GRB10: variants seen among roughly 807,000 people sequenced by gnomAD.
GRB10 encodes the protein growth factor receptor bound protein 10.
In GRB10, 20 loss-of-function variants were observed where a neutral mutation model predicts 80.9. The observed-to-expected ratio is 0.25, with a 90% confidence interval of 0.17 to 0.36. The LOEUF (loss-of-function observed/expected upper bound fraction) is 0.36. GRB10 is among the 10% of genes least tolerant of loss of function. GRB10 has a pLI of 1.00. For missense variants in GRB10, 548 were observed against 747.7 expected, an observed-to-expected ratio of 0.73 and a Z score of 3.12; for synonymous variants, 291 against 291.5, an observed-to-expected ratio of 1.00 and a Z score of 0.02.
intron 3 of GRB10, among the ~76,000 whole-genome samples, 183 bp downstream of exon 3, chr7:50,755,704 A>G (rs899859593): frequency 2.0e-5 from 3 of 152,304 alleles, no homozygotes; most frequent in Non-Finnish European, 2.9e-5. Flanking sequence ...GAGCCGAGCC[A>G]AGGAGGAGAG....
chr7:50,768,089 C>A (rs2076549926), intron 2 of GRB10, among the ~76,000 whole-genome samples: 1 of 152,164 alleles, frequency 6.6e-6, no homozygotes. Context: ...TGGGTCCGCT[C>A]AAACCTCTCC....
intron 2 of GRB10, among the ~76,000 whole-genome samples, chr7:50,763,912 C>T (rs2076052141): frequency 6.6e-6 from 1 of 152,182 alleles, no homozygotes; most frequent in African/African-American, 2.4e-5. Flanking sequence ...GACACCATTG[C>T]CCTCTGTACT....
intron 5 of GRB10, among the ~76,000 whole-genome samples, chr7:50,703,519 C>T (rs924601706): frequency 2.0e-5 from 3 of 152,174 alleles, no homozygotes; most frequent in African/African-American, 4.8e-5. Flanking sequence ...CAAGAGGATT[C>T]ACCTTGGAGT....
At chr7:50,740,957 T>A (rs751775148) in intron 3 of GRB10, among the ~76,000 whole-genome samples, 7 of 152,102 alleles carry the variant, frequency 4.6e-5, no homozygotes, top group Non-Finnish European at 1.0e-4. Flanking sequence ...GCAATGATAG[T>A]CAAGTGTCAC....
At chr7:50,593,452 A>C (rs2046077093) in intron 18 of GRB10, among the ~76,000 whole-genome samples, 1 of 152,146 alleles carries the variant, frequency 6.6e-6, no homozygotes, top group African/African-American at 2.4e-5. Flanking sequence ...CACTGCACAC[A>C]GCATGCCCCG....
chr7:50,677,450 G>A (rs1280114744), intron 5 of GRB10, among the ~76,000 whole-genome samples: 3 of 152,166 alleles, frequency 2.0e-5, no homozygotes, highest in Admixed American at 6.5e-5. Context: ...GAGCCTCACT[G>A]CCAACTGCTG....
chr7:50,781,718 C>T (rs1277283641), intron 1 of GRB10, among the ~76,000 whole-genome samples: 1 of 152,204 alleles, frequency 6.6e-6, no homozygotes, highest in Non-Finnish European at 1.5e-5. Context: ...AGGCGACTGG[C>T]GTGTGGAACA....
At chr7:50,768,839 T>A (rs998559943) in intron 2 of GRB10, among the ~76,000 whole-genome samples, 7 of 152,208 alleles carry the variant, frequency 4.6e-5, no homozygotes, top group African/African-American at 1.7e-4. Context: ...GGAACCGCCC[T>A]CCACAGTTGG....
At chr7:50,612,671 A>G in intron 13 of GRB10, 70 bp downstream of exon 13, 1 of 947,460 alleles carries the variant, frequency 1.1e-6, no homozygotes, top group East Asian at 2.4e-5. Flanking sequence ...GCCAGAATAG[A>G]CATCAAGTCC....
intron 7 of GRB10, among the ~76,000 whole-genome samples, chr7:50,644,235 G>A (rs2056787084): frequency 6.6e-6 from 1 of 152,288 alleles, no homozygotes; most frequent in East Asian, 1.9e-4. Flanking sequence ...TCCAGGTGGG[G>A]TTCCTTGAGT....
At chr7:50,595,601 T>TGACACACACACACACA in intron 17 of GRB10, 71 bp from the exon 18 acceptor site, 6 of 556,344 alleles carry the variant, frequency 1.1e-5, no homozygotes, top group Admixed American at 2.5e-5. Flanking sequence ...ACACACTCTC[T>TGACACACACACACACA]TACACACACA....
intron 5 of GRB10, among the ~76,000 whole-genome samples, chr7:50,697,370 C>T (rs1033528725): frequency 2.0e-5 from 3 of 152,118 alleles, no homozygotes; most frequent in African/African-American, 7.2e-5. Context: ...CAAAACCACC[C>T]CCTTTCAAAG....
At chr7:50,687,882 C>G (rs1167431659) in intron 5 of GRB10, among the ~76,000 whole-genome samples, 3 of 152,230 alleles carry the variant, frequency 2.0e-5, no homozygotes, top group Non-Finnish European at 2.9e-5. Flanking sequence ...CTGCTCACAT[C>G]TCCAAGAAGC....
intron 6 of GRB10, among the ~76,000 whole-genome samples, chr7:50,671,716 T>C (rs2060371073): frequency 1.3e-5 from 2 of 152,394 alleles, no homozygotes; most frequent in Middle Eastern, 3.4e-3. Context: ...CCACGGCTTC[T>C]AGCCAGTGAC....
intron 3 of GRB10, among the ~76,000 whole-genome samples, chr7:50,753,100 G>GTCT (rs1210716721): frequency 6.6e-6 from 1 of 152,210 alleles, no homozygotes; most frequent in African/African-American, 2.4e-5. Flanking sequence ...ATTCCCCCAA[G>GTCT]TCTAGTGCCA....
chr7:50,731,795 G>A (rs908360169), intron 4 of GRB10, among the ~76,000 whole-genome samples: 1 of 152,134 alleles, frequency 6.6e-6, no homozygotes, highest in African/African-American at 2.4e-5. Flanking sequence ...CTGTGGAGAG[G>A]ACTCCCTCTA....
intron 7 of GRB10, among the ~76,000 whole-genome samples, chr7:50,649,504 A>T (rs1446302956): frequency 6.6e-6 from 1 of 152,232 alleles, no homozygotes; most frequent in Non-Finnish European, 1.5e-5. Flanking sequence ...GTGACGACAC[A>T]CACGGGGGAG....
chr7:50,715,712 A>C (rs147772868), intron 4 of GRB10, among the ~76,000 whole-genome samples: 156 of 152,348 alleles, frequency 1.0e-3, no homozygotes, highest in Middle Eastern at 3.4e-3. Flanking sequence ...AAATGTTCCA[A>C]AGCAAATCTA....
At chr7:50,663,650 A>T (rs1339722047) in intron 7 of GRB10, among the ~76,000 whole-genome samples, 1 of 152,248 alleles carries the variant, frequency 6.6e-6, no homozygotes, top group Non-Finnish European at 1.5e-5. Context: ...CTTCTCTCAC[A>T]AGCAGCAGTG....
Sources: gnomAD v4.1 joint callset for allele counts (sites outside exome capture counted in the v4.1 genomes callset) on GRCh38, gnomAD v4.1.1 for gene constraint, MANE v1.5 for transcripts, NCBI Gene and HGNC (gene_info 2026-07-23, HGNC 2026-07-21) for gene names.